The following NKAIN2 variants were observed in gnomAD, a reference collection of about 807,000 sequenced individuals.
The protein encoded by NKAIN2 is sodium/potassium transporting ATPase interacting 2.
NKAIN2 carries 14 observed loss-of-function variants against 32.6 expected under a neutral mutation model. That is an observed-to-expected ratio of 0.43 (90% confidence interval 0.28 to 0.67). NKAIN2 has a LOEUF of 0.67. Among genes scored for constraint, NKAIN2 ranks in the 30% least tolerant of loss-of-function variants. NKAIN2 has a pLI of 0.17. For synonymous variants in NKAIN2, 80 were observed against 87.2 expected (o/e 0.92, Z 0.46); for missense variants, 198 against 258.3 (o/e 0.77, Z 1.60).
At chr6:124,580,116 A>C (rs371645588) in intron 3 of NKAIN2, among the ~76,000 whole-genome samples, 2 of 152,328 alleles carry the variant, frequency 1.3e-5, no homozygotes, top group South Asian at 2.1e-4. Context: ...AGAAAAAGAC[A>C]TTAGTGAGCA....
Position 123,896,630 on chromosome 6 carries a change from G to A in NKAIN2, c.54+92376G>A, listed in dbSNP as rs1375636674. 2.0e-5 allele frequency among the ~76,000 whole-genome samples: 3 copies of A among 152,280 alleles called. No homozygotes were observed. In the East Asian group the frequency reaches 5.8e-4, roughly 29 times the overall value. ...AAGGCAAAGTGACTTGTCCAAGGTT[G>A]CTCATTGAGAGAGATGTGGCTTTAA... On this transcript the variant is annotated intron_variant, in intron 1 of 6. Transcript: ENST00000368417.
intron 1 of NKAIN2, among the ~76,000 whole-genome samples, chr6:123,906,116 A>G (rs1225833101): frequency 6.6e-6 from 1 of 152,224 alleles, no homozygotes; most frequent in African/African-American, 2.4e-5. Context: ...ATATTTCTCC[A>G]TTATATAGTA....
chr6:124,380,319 T>C (rs992222760), intron 3 of NKAIN2, among the ~76,000 whole-genome samples: 1 of 152,176 alleles, frequency 6.6e-6, no homozygotes, highest in South Asian at 2.1e-4. Flanking sequence ...TACAGCACAA[T>C]GTTAGAGCAT....
intron 3 of NKAIN2, chr6:124,437,897 C>G (rs1173012635): frequency 3.5e-6 from 1 of 284,362 alleles, no homozygotes; most frequent in South Asian, 2.2e-5. Flanking sequence ...TTTTTCTTAA[C>G]CCCAGGTAAC....
At chr6:124,783,766 A>C (rs1336688611) in intron 4 of NKAIN2, among the ~76,000 whole-genome samples, 1 of 152,212 alleles carries the variant, frequency 6.6e-6, no homozygotes, top group African/African-American at 2.4e-5. Context: ...ATCTCAAATT[A>C]TGTAGATGGA....
At chr6:124,715,585 G>A (rs1775715456) in intron 4 of NKAIN2, among the ~76,000 whole-genome samples, 2 of 152,236 alleles carry the variant, frequency 1.3e-5, no homozygotes, top group Admixed American at 1.3e-4. Flanking sequence ...AAAGCAGCCA[G>A]CAATATCACC....
chr6:124,684,757 T>C (rs1583641410), intron 4 of NKAIN2, among the ~76,000 whole-genome samples: 1 of 152,142 alleles, frequency 6.6e-6, no homozygotes, highest in Admixed American at 6.6e-5. Flanking sequence ...CTAGAATTCA[T>C]TGAGTGCTTA....
At chr6:123,892,471 G>GAGA in intron 1 of NKAIN2, among the ~76,000 whole-genome samples, 2 of 150,906 alleles carry the variant, frequency 1.3e-5, no homozygotes, top group Middle Eastern at 6.9e-3. Context: ...AAAAACATCA[G>GAGA]CTCTCATGAG....
chr6:124,579,861 C>T (rs575138540), intron 3 of NKAIN2, among the ~76,000 whole-genome samples: 5 of 152,286 alleles, frequency 3.3e-5, no homozygotes, highest in South Asian at 2.1e-4. Context: ...CATACAATGG[C>T]GCTCCAATAC....
At chr6:124,057,916 A>C (rs1229970275) in intron 1 of NKAIN2, among the ~76,000 whole-genome samples, 1 of 152,080 alleles carries the variant, frequency 6.6e-6, no homozygotes, top group Admixed American at 6.6e-5. Flanking sequence ...GTTCTTGCTT[A>C]ACTCAACCAT....
At chr6:124,553,868 A>C (rs991169311) in intron 3 of NKAIN2, among the ~76,000 whole-genome samples, 1 of 152,184 alleles carries the variant, frequency 6.6e-6, no homozygotes, top group Non-Finnish European at 1.5e-5. Flanking sequence ...GGTGCTTTCT[A>C]TAACATTATT....
At chr6:123,981,242 G>A (rs1020752937) in intron 1 of NKAIN2, among the ~76,000 whole-genome samples, 3 of 152,108 alleles carry the variant, frequency 2.0e-5, no homozygotes, top group African/African-American at 7.2e-5. Context: ...TACATGAAGA[G>A]GGTACTGTCT....
chr6:124,632,647 A>G (rs116877880), intron 3 of NKAIN2, among the ~76,000 whole-genome samples: 1 of 152,092 alleles, frequency 6.6e-6, no homozygotes, highest in Non-Finnish European at 1.5e-5. Context: ...TTGGCTTTGT[A>G]TGTTATAAAA....
At chr6:124,222,294 A>T (rs1562432441) in intron 1 of NKAIN2, among the ~76,000 whole-genome samples, 1 of 152,246 alleles carries the variant, frequency 6.6e-6, no homozygotes, top group Non-Finnish European at 1.5e-5. Context: ...GAAAAATAAT[A>T]AATGAACAAA....
At chr6:124,550,458 C>T (rs1326108384) in intron 3 of NKAIN2, among the ~76,000 whole-genome samples, 3 of 152,078 alleles carry the variant, frequency 2.0e-5, no homozygotes, top group African/African-American at 4.8e-5. Context: ...CTTCTATCTT[C>T]CCTGACCCAG....
intron 1 of NKAIN2, among the ~76,000 whole-genome samples, chr6:124,124,905 T>A (rs974384092): frequency 6.6e-6 from 1 of 152,176 alleles, no homozygotes; most frequent in Non-Finnish European, 1.5e-5. Context: ...AGAGCTAATA[T>A]TGTAGAGTCC....
At chr6:123,820,669 C>G (rs1260106662) in intron 1 of NKAIN2, among the ~76,000 whole-genome samples, 1 of 152,134 alleles carries the variant, frequency 6.6e-6, no homozygotes, top group Non-Finnish European at 1.5e-5. Flanking sequence ...GAGTGGAGAT[C>G]ACAGGTTTAC....
chr6:124,417,583 C>A (rs638619), intron 3 of NKAIN2, among the ~76,000 whole-genome samples: 1 of 151,894 alleles, frequency 6.6e-6, no homozygotes, highest in African/African-American at 2.4e-5. Context: ...AAATAGTATA[C>A]GTGTTGTAGA....
At chr6:124,151,124 A>T (rs945229765) in intron 1 of NKAIN2, among the ~76,000 whole-genome samples, 57 of 152,092 alleles carry the variant, frequency 3.7e-4, no homozygotes, top group African/African-American at 1.3e-3. Flanking sequence ...CTAATAGAAG[A>T]TTGATTACCC....
Sources: allele counts gnomAD v4.1 joint callset (sites outside exome capture counted in the v4.1 genomes callset), GRCh38; gene constraint gnomAD v4.1.1; transcripts MANE v1.5; gene names NCBI Gene and HGNC (gene_info 2026-07-23, HGNC 2026-07-21).